The following SPIDR variants were observed in gnomAD, a reference collection of about 807,000 sequenced individuals.
The protein encoded by SPIDR is scaffold protein involved in DNA repair.
Under a neutral mutation model 104.6 loss-of-function variants are expected in SPIDR, and 93 were observed. That is an observed-to-expected ratio of 0.89 (90% CI 0.75 to 1.06). SPIDR has a LOEUF of 1.06. Among genes scored for constraint, SPIDR ranks in the 50% least tolerant of loss-of-function variants. SPIDR has a pLI of 0.00. For synonymous variants in SPIDR, 431 were observed against 416.9 expected (o/e 1.03, Z -0.41); for missense variants, 1,154 against 1,111.2 (o/e 1.04, Z -0.55).
intron 8 of SPIDR, among the ~76,000 whole-genome samples, chr8:47,504,030 G>A (rs1056065473): frequency 6.6e-6 from 1 of 152,156 alleles, no homozygotes; most frequent in Admixed American, 6.5e-5. Flanking sequence ...GCTTCCCTTT[G>A]TGGGTAACCT....
At chr8:47,686,196 T>C (rs1478603652) in intron 11 of SPIDR, among the ~76,000 whole-genome samples, 1 of 152,182 alleles carries the variant, frequency 6.6e-6, no homozygotes, top group East Asian at 1.9e-4. Flanking sequence ...CATATAAACA[T>C]TTCACATGTT....
rs557282418 is a variant in SPIDR at position 47,411,950 on chromosome 8, A to G, written c.877+3989A>G. Among the ~76,000 whole-genome samples the G allele has an allele frequency of 1.7e-3, 260 of 152,252 alleles. 2 individuals carry two copies. Among genetic ancestry groups the G allele is most frequent in the African/African-American group, 4.9e-3 (205 of 41,542 alleles). ...TTCTTGTTTTTGTCAGCTTTGTCAA[A>G]GATCAGATAGTTGTAGATATGCAGC... On this transcript the variant is annotated intron_variant, in intron 7 of 19. Coordinates refer to ENST00000297423, the MANE Select transcript of SPIDR (RefSeq NM_001080394.4).
intron 8 of SPIDR, among the ~76,000 whole-genome samples, chr8:47,523,175 C>T (rs999514991): frequency 6.6e-6 from 1 of 151,896 alleles, no homozygotes; most frequent in Non-Finnish European, 1.5e-5. Context: ...TTTTTTAATG[C>T]AAGTATTTCT....
At chr8:47,473,434 G>T (rs1222739047) in intron 8 of SPIDR, among the ~76,000 whole-genome samples, 2 of 152,118 alleles carry the variant, frequency 1.3e-5, no homozygotes, top group African/African-American at 4.8e-5. Flanking sequence ...GGTTCCCATT[G>T]TGTCTCCCCG....
At chr8:47,429,472 T>C (rs1300228802) in intron 7 of SPIDR, among the ~76,000 whole-genome samples, 1 of 152,246 alleles carries the variant, frequency 6.6e-6, no homozygotes, top group African/African-American at 2.4e-5. Context: ...CTTAATGGTT[T>C]GTTTGTAACT....
Position 47,310,062 on chromosome 8 carries a change from T to C in SPIDR, c.525+16032T>C, listed in dbSNP as rs587690143. Reference sequence around the variant, plus strand: ...AACAAAGTAATAAGTCGGCCAGCGCTGTGGCTCACGCCTGTAATCCCAGCA... The same window carrying C: ...AACAAAGTAATAAGTCGGCCAGCGCCGTGGCTCACGCCTGTAATCCCAGCA... On this transcript the variant is annotated intron_variant, in intron 5 of 19. Coordinates refer to ENST00000297423, the MANE Select transcript of SPIDR (RefSeq NM_001080394.4). Among the ~76,000 whole-genome samples the C allele has an allele frequency of 6.2e-5, 8 of 129,942 alleles. No homozygotes were observed. In the South Asian group the frequency reaches 1.5e-3, roughly 24 times the overall value. The allele number at this position is 129,942 out of a possible 152,430, so 85.2% of individuals were successfully genotyped here.
intron 10 of SPIDR, among the ~76,000 whole-genome samples, chr8:47,612,027 G>T (rs763733929): frequency 1.3e-5 from 2 of 152,132 alleles, no homozygotes; most frequent in African/African-American, 4.8e-5. Flanking sequence ...TCCCATAAGC[G>T]CAAGACCACC....
chr8:47,346,047 T>C (rs2051931686), intron 5 of SPIDR, among the ~76,000 whole-genome samples: 1 of 152,240 alleles, frequency 6.6e-6, no homozygotes, highest in Non-Finnish European at 1.5e-5. Context: ...GTGCCAGTTT[T>C]CAAAGGGAAT....
chr8:47,309,052 A>G (rs1554583268), intron 5 of SPIDR, among the ~76,000 whole-genome samples: 2 of 150,672 alleles, frequency 1.3e-5, no homozygotes, highest in South Asian at 2.2e-4. Flanking sequence ...GGTGCTTCCT[A>G]CTCCACCATC....
intron 10 of SPIDR, among the ~76,000 whole-genome samples, chr8:47,609,017 G>A (rs906745803): frequency 6.6e-6 from 1 of 152,186 alleles, no homozygotes; most frequent in Non-Finnish European, 1.5e-5. Context: ...GTGAGCCACC[G>A]CACCCGGCTG....
At chr8:47,604,400 G>C (rs2154428050) in intron 10 of SPIDR, among the ~76,000 whole-genome samples, 1 of 152,332 alleles carries the variant, frequency 6.6e-6, no homozygotes, top group Middle Eastern at 3.4e-3. Flanking sequence ...AGTGTTTGCT[G>C]TGGCTGCCCA....
chr8:47,411,360 TG>T (rs1403968077), intron 7 of SPIDR, among the ~76,000 whole-genome samples: 1 of 152,246 alleles, frequency 6.6e-6, no homozygotes, highest in Non-Finnish European at 1.5e-5. Flanking sequence ...TTCTAACTGG[TG>T]TGACATGGTA....
At position 47,433,331 on chromosome 8, in the gene SPIDR, G is replaced by A. The variant is rs117213255; in HGVS notation, c.878-6992G>A. ...GTCCTCTTCAGTCTGTTCTCAACAC[G>A]GCTCATCATTTGACTTCCCTGCTGG... On this transcript the variant is annotated intron_variant, in intron 7 of 19. Coordinates refer to ENST00000297423, the MANE Select transcript of SPIDR (RefSeq NM_001080394.4). Among the ~76,000 whole-genome samples, 118 of 152,196 alleles carry A rather than the reference G, an allele frequency of 7.8e-4. 2 individuals carry two copies. The East Asian group carries it at 0.022, about 28-fold the overall frequency.
intron 8 of SPIDR, among the ~76,000 whole-genome samples, chr8:47,489,879 G>C (rs1236471140): frequency 6.6e-6 from 1 of 152,126 alleles, no homozygotes; most frequent in Non-Finnish European, 1.5e-5. Context: ...TTAAATGTTA[G>C]ACCTAAAACC....
rs148131965 is a variant in SPIDR, at chr8:47,475,149, C to T, written c.1097+34607C>T. On this transcript the variant is annotated intron_variant, in intron 8 of 19. Transcript: ENST00000297423. ...AGCTTTTTATTTGTACCACTTGAAACAGCAATATTGTCCTCACATGCAGCT... is the reference window on the plus strand; with the variant it reads ...AGCTTTTTATTTGTACCACTTGAAATAGCAATATTGTCCTCACATGCAGCT... Among the ~76,000 whole-genome samples the T allele has an allele frequency of 2.7e-3, 414 of 152,270 alleles. 2 individuals are homozygous for T. Among genetic ancestry groups the T allele is most frequent in the African/African-American group, 8.6e-3 (359 of 41,542 alleles).
In SPIDR at chr8:47,430,399, A is replaced by AAGTT. The variant is rs2067151469; in HGVS notation, c.878-9923_878-9920dup. 2.0e-5 allele frequency among the ~76,000 whole-genome samples: 3 copies of AAGTT among 152,112 alleles called. No individual in the cohort carries two copies. The South Asian group carries it at 6.2e-4, about 32-fold the overall frequency. The stretch of plus-strand genomic sequence containing the variant: ...TTCCACCCAACTTAGGATGAATTAG[A>AAGTT]AGTTGTTCATTAGAATGTCCTTTAT... On this transcript the variant is annotated intron_variant, in intron 7 of 19. Transcript: ENST00000297423.
At chr8:47,707,489 A>C (rs1266045957) in intron 14 of SPIDR, among the ~76,000 whole-genome samples, 4 of 152,102 alleles carry the variant, frequency 2.6e-5, no homozygotes, top group Non-Finnish European at 4.4e-5. Context: ...TAAATACAAA[A>C]CCTTTGTCAG....
intron 8 of SPIDR, among the ~76,000 whole-genome samples, chr8:47,491,422 A>G (rs545793103): frequency 1.2e-4 from 18 of 152,076 alleles, no homozygotes; most frequent in African/African-American, 4.3e-4. Context: ...GCAGTTTATT[A>G]TCTGTGGTTC....
chr8:47,701,747 C>T lies in SPIDR; in HGVS notation c.1800C>T (p.Ala600=). The change falls in exon 13 of 20, where the codon GCC becomes GCT. Residue 600 remains alanine (A), a synonymous_variant. Coordinates refer to ENST00000297423, the MANE Select transcript of SPIDR (RefSeq NM_001080394.4). The stretch of plus-strand genomic sequence containing the variant: ...TAAAAACTCATCTGCCTCCTCCAGC[C>T]TTGTGTTACATCCTCACAGCTCATC... ...EEIKTHLPPP[A]LCYILTAHPN... is the part of the protein sequence containing the mutation. The T allele has an allele frequency of 1.2e-6, 2 of 1,614,136 alleles. No homozygotes were observed. The highest frequency in any genetic ancestry group is 1.7e-6 in the Non-Finnish European group (2 of 1,180,036).
Sources: gnomAD v4.1 joint callset for allele counts (sites outside exome capture counted in the v4.1 genomes callset) on GRCh38, gnomAD v4.1.1 for gene constraint, MANE v1.5 for transcripts, NCBI Gene and HGNC (gene_info 2026-07-23, HGNC 2026-07-21) for gene names.